Variants in SLAMF6 observed in about 807,000 individuals in gnomAD.
SLAMF6 encodes the protein NK-T-B-antigen.
Under a neutral mutation model 38.3 loss-of-function variants are expected in SLAMF6, and 21 were observed. That is an observed-to-expected ratio of 0.55 (90% confidence interval 0.39 to 0.79). The LOEUF (loss-of-function observed/expected upper bound fraction) is 0.79. Ranked by LOEUF, SLAMF6 falls within the 30% of genes least tolerant of loss-of-function variation. The pLI, the probability that SLAMF6 is intolerant of heterozygous loss-of-function variation, is 0.00. For synonymous variants in SLAMF6, 152 were observed against 146.3 expected (o/e 1.04, Z -0.28); for missense variants, 341 against 385.3 (o/e 0.89, Z 0.96).
In SLAMF6 at chr1:160,486,695, C is replaced by T. The variant is rs1359162261; in HGVS notation, c.*12G>A. On this transcript the variant is annotated 3_prime_UTR_variant, in exon 8 of 8. Transcript: ENST00000368057. ...GTGTCATTCCCGAATTCCTCTGAGG[C>T]CTTTCAGCAACTTACACGACATTGT... 6.2e-7 allele frequency: 1 copy of T among 1,613,356 alleles called. No homozygotes were observed. The highest frequency in any genetic ancestry group is 1.1e-5 in the South Asian group (1 of 91,064).
At chr1:160,521,888 C>G (rs1655000455) in intron 1 of SLAMF6, among the ~76,000 whole-genome samples, 1 of 152,158 alleles carries the variant, frequency 6.6e-6, no homozygotes, top group Non-Finnish European at 1.5e-5. Context: ...TTTATTTCTT[C>G]CTACCCAATA....
chr1:160,515,753 AC>A (rs1654710177), intron 1 of SLAMF6, among the ~76,000 whole-genome samples: 2 of 152,202 alleles, frequency 1.3e-5, no homozygotes, highest in African/African-American at 4.8e-5. Context: ...AAAGACAAAA[AC>A]CACAGATTAT....
chr1:160,510,059 T>C (rs1654394193), intron 1 of SLAMF6, among the ~76,000 whole-genome samples: 1 of 151,704 alleles, frequency 6.6e-6, no homozygotes, highest in African/African-American at 2.4e-5. Context: ...TAAGAAGAAA[T>C]AAAAAATTAA....
In SLAMF6 at chr1:160,499,234, G is replaced by A. The variant is rs114363431; in HGVS notation, c.50-2841C>T. On this transcript the variant is annotated intron_variant, in intron 1 of 7. Coordinates refer to ENST00000368057, the MANE Select transcript of SLAMF6 (RefSeq NM_001184714.2). ...TTTGATCCATCTTGAGTTAATTTTC[G>A]TATATGGTTAAAGGTAAGGGTCCAG... 3.7e-3 allele frequency among the ~76,000 whole-genome samples: 570 copies of A among 152,134 alleles called. 2 individuals are homozygous for A. Among genetic ancestry groups the A allele is most frequent in the East Asian group, 0.015 (80 of 5,184 alleles).
At chr1:160,508,291 G>A (rs1204062978) in intron 1 of SLAMF6, among the ~76,000 whole-genome samples, 2 of 152,102 alleles carry the variant, frequency 1.3e-5, no homozygotes, top group African/African-American at 4.8e-5. Flanking sequence ...AAACAGCATG[G>A]TACTGGTACC....
chr1:160,505,591 T>C (rs138446843), intron 1 of SLAMF6, among the ~76,000 whole-genome samples: 5 of 152,208 alleles, frequency 3.3e-5, no homozygotes, highest in African/African-American at 7.2e-5. Context: ...TTTGTAGAGA[T>C]GCAGTTTCAC....
chr1:160,505,818 A>G (rs1259799857), intron 1 of SLAMF6, among the ~76,000 whole-genome samples: 2 of 152,206 alleles, frequency 1.3e-5, no homozygotes, highest in Non-Finnish European at 2.9e-5. Context: ...AGAAATAATA[A>G]CAAGGAGCCA....
intron 1 of SLAMF6, among the ~76,000 whole-genome samples, chr1:160,504,383 A>G (rs752387511): frequency 3.3e-5 from 5 of 151,834 alleles, no homozygotes; most frequent in Non-Finnish European, 7.4e-5. Context: ...TACAGCTTAG[A>G]TATACACAAT....
intron 5 of SLAMF6, among the ~76,000 whole-genome samples, chr1:160,489,986 G>C (rs1355148014): frequency 2.0e-5 from 3 of 152,138 alleles, no homozygotes; most frequent in African/African-American, 7.2e-5. Flanking sequence ...ATCACCAAGA[G>C]AAACTGTGTG....
intron 1 of SLAMF6, among the ~76,000 whole-genome samples, chr1:160,517,191 G>T (rs1178276482): frequency 1.3e-5 from 2 of 151,898 alleles, no homozygotes; most frequent in Non-Finnish European, 2.9e-5. Context: ...CCCATTAAAA[G>T]GCGAGCAAAG....
intron 1 of SLAMF6, among the ~76,000 whole-genome samples, chr1:160,505,043 G>A (rs1478415037): frequency 1.3e-5 from 2 of 151,506 alleles, no homozygotes; most frequent in Non-Finnish European, 2.9e-5. Context: ...TTATTTATTT[G>A]TTTGTTTATT....
intron 1 of SLAMF6, among the ~76,000 whole-genome samples, chr1:160,499,089 G>A (rs777811328): frequency 2.6e-5 from 4 of 152,064 alleles, no homozygotes; most frequent in Non-Finnish European, 4.4e-5. Context: ...GTCAATTTTC[G>A]TTTTTGTTGC....
rs755250930 is a variant in SLAMF6 at position 160,490,229 on chromosome 1, T to G, written c.765A>C (p.Leu255=). The G allele has an allele frequency of 1.2e-5, 19 of 1,613,488 alleles. No homozygotes were observed. The highest frequency in any genetic ancestry group is 1.6e-5 in the Non-Finnish European group (19 of 1,179,770). Residue 255 remains leucine, a synonymous_variant, in exon 5 of 8, where the codon CTA becomes CTC. Transcript: ENST00000368057. The stretch of plus-strand genomic sequence containing the variant: ...CCTGTGTTCGCTGAGTAGACAAAGA[T>G]AGGGAATCTGAAAAATAAAACCAGA... ...LLVLRKRRDS[L]SLSTQRTQGP...
intron 1 of SLAMF6, among the ~76,000 whole-genome samples, chr1:160,520,760 A>G (rs912035479): frequency 1.1e-4 from 17 of 152,186 alleles, no homozygotes; most frequent in Non-Finnish European, 2.1e-4. Context: ...ACCCACTTCA[A>G]AGAATGTAGG....
Position 160,486,536 on chromosome 1 carries a change from T to C in SLAMF6, c.*171A>G. 2 of 624,634 alleles carry C rather than the reference T, an allele frequency of 3.2e-6. No individual in the cohort carries two copies. Among genetic ancestry groups the C allele is most frequent in the Non-Finnish European group, 5.6e-6 (2 of 357,884 alleles). 38.7% of individuals were successfully genotyped at this position (624,634 alleles called of 1,614,324 possible). A position where few individuals can be genotyped will look rare whatever the true frequency, so the allele number is the denominator to read the frequency against. ...CTGGAAATGATGTTATCCTTAGGTG[T>C]TTGACTCAGGTAGGCAGGTTTAAGT... is the stretch of plus-strand genomic sequence containing the variant. On this transcript the variant is annotated 3_prime_UTR_variant, in exon 8 of 8. Coordinates refer to ENST00000368057, the MANE Select transcript of SLAMF6 (RefSeq NM_001184714.2).
intron 7 of SLAMF6, 32 bp from the exon 8 acceptor site, chr1:160,486,786 A>C (rs752927654): frequency 1.2e-6 from 2 of 1,613,408 alleles, no homozygotes; most frequent in Non-Finnish European, 1.7e-6. Context: ...GAGGTAGGTT[A>C]ATTGGAACTG....
At chr1:160,516,914 A>G (rs1358795732) in intron 1 of SLAMF6, among the ~76,000 whole-genome samples, 1 of 152,224 alleles carries the variant, frequency 6.6e-6, no homozygotes, top group Non-Finnish European at 1.5e-5. Flanking sequence ...ACCCTAGAAT[A>G]CAATCTAGGC....
At chr1:160,502,349 A>G (rs17385337) in intron 1 of SLAMF6, among the ~76,000 whole-genome samples, 38,855 of 151,920 alleles carry the variant, frequency 0.26, 5,510 homozygotes, top group Middle Eastern at 0.39. Context: ...TCACTGGGGA[A>G]CTCCTTGCAA....
intron 2 of SLAMF6, among the ~76,000 whole-genome samples, chr1:160,494,019 G>A (rs1653438602): frequency 6.6e-6 from 1 of 152,156 alleles, no homozygotes; most frequent in African/African-American, 2.4e-5. Context: ...TGAGATTTGG[G>A]TGGGGACACA....
Sources: gnomAD v4.1 joint callset for allele counts (sites outside exome capture counted in the v4.1 genomes callset) on GRCh38, gnomAD v4.1.1 for gene constraint, MANE v1.5 for transcripts, NCBI Gene and HGNC (gene_info 2026-07-23, HGNC 2026-07-21) for gene names.